The following NRG1 variants were observed in gnomAD, a reference collection of about 807,000 sequenced individuals.
NRG1 encodes the protein neuregulin 1.
In NRG1, 18 loss-of-function variants were observed where a neutral mutation model predicts 63.8. That is an observed-to-expected ratio of 0.28 (90% CI 0.19 to 0.42). The LOEUF (loss-of-function observed/expected upper bound fraction) is 0.42, where lower values mean the gene tolerates loss of function less well. NRG1 is among the 10% of genes least tolerant of loss of function. The pLI is 1.00. For missense variants in NRG1, 762 were observed against 814.7 expected (o/e 0.94, Z 0.79); for synonymous variants, 302 against 301.3 (o/e 1.00, Z -0.02).
chr8:32,565,960 C>T (rs527716098), intron 1 of NRG1, among the ~76,000 whole-genome samples: 4 of 152,228 alleles, frequency 2.6e-5, no homozygotes, highest in Admixed American at 6.5e-5. Context: ...TTACCGAGTT[C>T]GTGGCTTGAG....
chr8:32,749,117 T>C (rs1233756067), intron 7 of NRG1: 1 of 159,328 alleles, frequency 6.3e-6, no homozygotes, highest in African/African-American at 2.4e-5. Flanking sequence ...ATGGGTGTCT[T>C]TGGGTAAAAA....
intron 1 of NRG1, chr8:32,440,644 T>G (rs1315347422): frequency 6.6e-6 from 1 of 152,142 alleles, no homozygotes; most frequent in African/African-American, 2.4e-5. Flanking sequence ...ATCAAACTGA[T>G]TGATGACTAA....
At chr8:31,933,325 A>G (rs1044157280) in intron 1 of NRG1, among the ~76,000 whole-genome samples, 1 of 151,692 alleles carries the variant, frequency 6.6e-6, no homozygotes, top group Admixed American at 6.6e-5. Context: ...TTCTTGCCTA[A>G]GTTGGAGTGC....
intron 5 of NRG1, among the ~76,000 whole-genome samples, chr8:32,652,619 T>C (rs996808847): frequency 2.6e-5 from 4 of 152,212 alleles, no homozygotes; most frequent in Non-Finnish European, 5.9e-5. Flanking sequence ...TGAAACTTTA[T>C]TGCATTTTAA....
intron 5 of NRG1, among the ~76,000 whole-genome samples, chr8:32,659,728 C>G (rs1802408338): frequency 6.6e-6 from 1 of 152,136 alleles, no homozygotes; most frequent in South Asian, 2.1e-4. Context: ...CAGCTGTCTC[C>G]CCAGTCTTCA....
At chr8:32,739,241 C>A (rs572776930) in intron 6 of NRG1, among the ~76,000 whole-genome samples, 58 of 152,268 alleles carry the variant, frequency 3.8e-4, no homozygotes, top group Non-Finnish European at 7.2e-4. Context: ...CTTTAATCTA[C>A]ATCCACATCT....
intron 1 of NRG1, among the ~76,000 whole-genome samples, chr8:31,922,991 G>A (rs1834037315): frequency 1.3e-5 from 2 of 152,116 alleles, no homozygotes; most frequent in Non-Finnish European, 2.9e-5. Context: ...GAAGGGTTCT[G>A]GGAAGAGATG....
At chr8:32,188,696 G>A (rs1276845129) in intron 1 of NRG1, among the ~76,000 whole-genome samples, 1 of 152,052 alleles carries the variant, frequency 6.6e-6, no homozygotes, top group Non-Finnish European at 1.5e-5. Context: ...ACAAGAGGAG[G>A]AGGCCGTGTG....
intron 1 of NRG1, among the ~76,000 whole-genome samples, chr8:32,204,308 C>A (rs1843796833): frequency 6.6e-6 from 1 of 152,118 alleles, no homozygotes. Flanking sequence ...GATCTGACTT[C>A]TTTTTTAACA....
rs548500295 is a variant in NRG1 at position 32,150,431 on chromosome 8, G to A, written c.38-445397G>A. Among the ~76,000 whole-genome samples, 4 of 152,186 alleles carry A rather than the reference G, an allele frequency of 2.6e-5. No homozygotes were observed. The South Asian group carries it at 8.3e-4, about 32-fold the overall frequency. On this transcript the variant is annotated intron_variant, in intron 1 of 10. Transcript: ENST00000519301. ...TTGGGGAACTGATTAAGTCATGAGGGGTTCTCCATATGCATGAATGGGTTC... is the reference window on the plus strand; with the variant it reads ...TTGGGGAACTGATTAAGTCATGAGGAGTTCTCCATATGCATGAATGGGTTC...
chr8:32,235,656 G>A (rs1196494569), intron 1 of NRG1, among the ~76,000 whole-genome samples: 27 of 152,018 alleles, frequency 1.8e-4, no homozygotes, highest in Admixed American at 1.8e-3. Context: ...GGGGTTGAAG[G>A]GTTCCCCAGG....
chr8:32,480,561 A>G (rs1383368077), intron 1 of NRG1, among the ~76,000 whole-genome samples: 1 of 152,146 alleles, frequency 6.6e-6, no homozygotes, highest in Non-Finnish European at 1.5e-5. Context: ...CCTACAATGT[A>G]TATGTGTTAG....
intron 1 of NRG1, among the ~76,000 whole-genome samples, chr8:32,573,262 C>A (rs537838696): frequency 6.6e-6 from 1 of 152,216 alleles, no homozygotes; most frequent in Non-Finnish European, 1.5e-5. Flanking sequence ...GACTTATTGA[C>A]TCGATAACAG....
chr8:32,754,817 T>A (rs1829385762), intron 8 of NRG1, among the ~76,000 whole-genome samples: 1 of 152,030 alleles, frequency 6.6e-6, no homozygotes, highest in Non-Finnish European at 1.5e-5. Flanking sequence ...AGAAGTCCAT[T>A]TGAGGGCTTT....
chr8:32,423,205 T>C (rs1739149600), intron 1 of NRG1, among the ~76,000 whole-genome samples: 1 of 152,250 alleles, frequency 6.6e-6, no homozygotes, highest in Non-Finnish European at 1.5e-5. Flanking sequence ...TTCACAGTTT[T>C]GATGTGTTTT....
chr8:31,806,650 A>C lies in NRG1; in HGVS notation c.37+167219A>C, dbSNP rs576885102. On this transcript the variant is annotated intron_variant, in intron 1 of 10. Coordinates refer to the NRG1 transcript ENST00000519301. ...TCTTTGCTAATTCCTGGGGAAAAGGAATCCTTTTCATTTTGATCCAAATGA... is the reference window on the plus strand; with the variant it reads ...TCTTTGCTAATTCCTGGGGAAAAGGCATCCTTTTCATTTTGATCCAAATGA... Among the ~76,000 whole-genome samples the C allele has an allele frequency of 1.1e-3, 170 of 152,346 alleles. 1 individual carries two copies. The highest frequency in any genetic ancestry group is 4.0e-3 in the African/African-American group (167 of 41,580).
intron 1 of NRG1, among the ~76,000 whole-genome samples, chr8:31,795,825 G>A (rs13248543): frequency 6.6e-6 from 1 of 151,976 alleles, no homozygotes; most frequent in Non-Finnish European, 1.5e-5. Flanking sequence ...ATTTTTCTGG[G>A]ATTTACTCTA....
chr8:32,338,939 C>T (rs1014404069), intron 1 of NRG1, among the ~76,000 whole-genome samples: 3 of 152,114 alleles, frequency 2.0e-5, no homozygotes, highest in Non-Finnish European at 1.5e-5. Flanking sequence ...AAAGGAATTT[C>T]GAGAGGAGTT....
chr8:32,353,853 C>A (rs1031794506), intron 1 of NRG1, among the ~76,000 whole-genome samples: 2 of 152,158 alleles, frequency 1.3e-5, no homozygotes, highest in African/African-American at 4.8e-5. Flanking sequence ...TATGTCCATA[C>A]AAAGACTTGT....
Sources: allele counts gnomAD v4.1 joint callset (sites outside exome capture counted in the v4.1 genomes callset), GRCh38; gene constraint gnomAD v4.1.1; transcripts MANE v1.5; gene names NCBI Gene and HGNC (gene_info 2026-07-23, HGNC 2026-07-21).